Variants in CPNE4 observed in about 807,000 individuals in gnomAD.
CPNE4 encodes the protein copine-4.
In CPNE4, 25 loss-of-function variants were observed where a neutral mutation model predicts 67.9. The ratio of observed to expected loss-of-function variants is 0.37; its 90% CI spans 0.27 to 0.51. The LOEUF (loss-of-function observed/expected upper bound fraction) is 0.51. CPNE4 is among the 20% of genes least tolerant of loss of function. CPNE4 has a pLI of 0.93. For missense variants in CPNE4, 464 were observed against 690.8 expected (o/e 0.67, Z 3.68); for synonymous variants, 242 against 244.9 (o/e 0.99, Z 0.11).
chr3:131,813,721 G>A (rs933650960), intron 2 of CPNE4, among the ~76,000 whole-genome samples: 5 of 152,012 alleles, frequency 3.3e-5, no homozygotes, highest in Admixed American at 1.3e-4. Context: ...ATATCAAATG[G>A]CAGCCAGCTG....
intron 7 of CPNE4, among the ~76,000 whole-genome samples, chr3:131,628,909 CTCTGA>C (rs999396165): frequency 2.2e-4 from 33 of 152,248 alleles, no homozygotes; most frequent in Admixed American, 7.8e-4. Flanking sequence ...TTCAGTTCTG[CTCTGA>C]TCTTAGTTAT....
chr3:131,600,401 G>C (rs1939136097), intron 7 of CPNE4, among the ~76,000 whole-genome samples: 1 of 152,160 alleles, frequency 6.6e-6, no homozygotes, highest in Non-Finnish European at 1.5e-5. Context: ...AGACCTGTTT[G>C]AAACTTGCAA....
intron 1 of CPNE4, among the ~76,000 whole-genome samples, chr3:131,983,250 C>G (rs1357308666): frequency 6.6e-6 from 1 of 152,030 alleles, no homozygotes. Context: ...TTATTTTTCT[C>G]TAACAGTAGG....
chr3:131,778,814 A>G (rs2083358284), intron 2 of CPNE4, among the ~76,000 whole-genome samples: 1 of 152,088 alleles, frequency 6.6e-6, no homozygotes, highest in African/African-American at 2.4e-5. Flanking sequence ...CTCCTATTCA[A>G]CATAATCCTG....
intron 14 of CPNE4, among the ~76,000 whole-genome samples, chr3:131,544,907 G>A (rs145254753): frequency 5.7e-4 from 87 of 152,272 alleles, no homozygotes; most frequent in African/African-American, 2.0e-3. Flanking sequence ...TTAGAGTTCA[G>A]TGGATGAATC....
intron 1 of CPNE4, chr3:131,925,496 C>T (rs1205543132): frequency 6.6e-6 from 1 of 152,100 alleles, no homozygotes; most frequent in Non-Finnish European, 1.5e-5. Flanking sequence ...GAATTTCCAT[C>T]AACTAGTACA....
intron 1 of CPNE4, among the ~76,000 whole-genome samples, chr3:131,931,783 T>C (rs1232447302): frequency 1.3e-5 from 2 of 152,164 alleles, no homozygotes; most frequent in Non-Finnish European, 2.9e-5. Context: ...GTCGCACAAC[T>C]GTTTGACCTT....
chr3:131,917,243 G>C (rs2089214396), intron 1 of CPNE4, among the ~76,000 whole-genome samples: 1 of 152,184 alleles, frequency 6.6e-6, no homozygotes. Flanking sequence ...TCTGCTAAAA[G>C]TTTCCAAGTG....
At chr3:131,716,216 A>G (rs1453258471) in intron 3 of CPNE4, among the ~76,000 whole-genome samples, 1 of 150,234 alleles carries the variant, frequency 6.7e-6, no homozygotes, top group Non-Finnish European at 1.5e-5. Flanking sequence ...AAACTCAGCC[A>G]GACAGAGCGA....
intron 2 of CPNE4, among the ~76,000 whole-genome samples, chr3:131,817,759 T>C (rs371165142): frequency 2.6e-5 from 4 of 152,234 alleles, no homozygotes; most frequent in African/African-American, 9.6e-5. Context: ...CTGATGTTCA[T>C]GGCAGAAGTT....
chr3:131,882,931 A>T (rs1185363744), intron 2 of CPNE4, among the ~76,000 whole-genome samples: 3 of 151,918 alleles, frequency 2.0e-5, no homozygotes, highest in Non-Finnish European at 4.4e-5. Flanking sequence ...GTTAGCCAGG[A>T]TGGTCTCGAT....
intron 1 of CPNE4, among the ~76,000 whole-genome samples, chr3:131,968,700 AAAC>A (rs1392808273): frequency 6.6e-6 from 1 of 152,216 alleles, no homozygotes; most frequent in Non-Finnish European, 1.5e-5. Flanking sequence ...AAAAGTCAGG[AAAC>A]AACAGCTGCT....
At chr3:131,558,478 A>G (rs1171563785) in intron 11 of CPNE4, among the ~76,000 whole-genome samples, 5 of 152,136 alleles carry the variant, frequency 3.3e-5, no homozygotes, top group African/African-American at 9.6e-5. Flanking sequence ...TGAGGGGTAT[A>G]TTACCACATG....
intron 2 of CPNE4, among the ~76,000 whole-genome samples, chr3:131,813,486 TA>T (rs2084615563): frequency 6.7e-6 from 1 of 149,106 alleles, no homozygotes; most frequent in Non-Finnish European, 1.5e-5. Context: ...TGTATTTATT[TA>T]AAATATATAT....
At chr3:131,828,841 A>G (rs2085265265) in intron 2 of CPNE4, among the ~76,000 whole-genome samples, 1 of 152,180 alleles carries the variant, frequency 6.6e-6, no homozygotes, top group South Asian at 2.1e-4. Context: ...TCTAAAAACA[A>G]AACAAAACAA....
chr3:131,642,335 TGCCTCTG>T (rs1176439924), intron 7 of CPNE4, among the ~76,000 whole-genome samples: 2 of 152,184 alleles, frequency 1.3e-5, no homozygotes, highest in Non-Finnish European at 2.9e-5. Flanking sequence ...AATACCTGCC[TGCCTCTG>T]GCAGCATCTC....
At chr3:131,977,699 T>C (rs977748101) in intron 1 of CPNE4, among the ~76,000 whole-genome samples, 20 of 152,120 alleles carry the variant, frequency 1.3e-4, no homozygotes, top group African/African-American at 4.3e-4. Flanking sequence ...AAATATTTTT[T>C]CATAAGTTAC....
At chr3:131,663,962 C>T (rs1047610408) in intron 7 of CPNE4, among the ~76,000 whole-genome samples, 4 of 152,116 alleles carry the variant, frequency 2.6e-5, no homozygotes, top group African/African-American at 7.2e-5. Flanking sequence ...GGCATGGGGG[C>T]GAATTGATCC....
intron 2 of CPNE4, among the ~76,000 whole-genome samples, chr3:131,740,943 G>A (rs957359290): frequency 1.3e-5 from 2 of 152,088 alleles, no homozygotes; most frequent in Admixed American, 6.5e-5. Context: ...CTTTGCCTTT[G>A]CTGTCAACTC....
Sources: gnomAD v4.1 joint callset for allele counts (sites outside exome capture counted in the v4.1 genomes callset) on GRCh38, gnomAD v4.1.1 for gene constraint, MANE v1.5 for transcripts, NCBI Gene and HGNC (gene_info 2026-07-23, HGNC 2026-07-21) for gene names.